The following FRMD3 variants were observed in gnomAD, a reference collection of about 807,000 sequenced individuals.
FRMD3 encodes FERM domain-containing protein 3.
Under a neutral mutation model 70.2 loss-of-function variants are expected in FRMD3, and 33 were observed. That is an observed-to-expected ratio of 0.47 (90% CI 0.36 to 0.63). The LOEUF is 0.63. Ranked by LOEUF, FRMD3 falls within the 20% of genes least tolerant of loss-of-function variation. The pLI, the probability that FRMD3 is intolerant of heterozygous loss-of-function variation, is 0.00. For missense variants in FRMD3, 632 were observed against 711.4 expected, an observed-to-expected ratio of 0.89 and a Z score of 1.27; for synonymous variants, 279 against 255.9, an observed-to-expected ratio of 1.09 and a Z score of -0.86.
At chr9:83,358,317 TG>T (rs1351235245) in intron 3 of FRMD3, among the ~76,000 whole-genome samples, 1 of 152,238 alleles carries the variant, frequency 6.6e-6, no homozygotes. Flanking sequence ...AGTACCATGC[TG>T]TTTGGTGACT....
At chr9:83,371,654 C>G (rs1564042103) in intron 3 of FRMD3, among the ~76,000 whole-genome samples, 1 of 152,228 alleles carries the variant, frequency 6.6e-6, no homozygotes, top group Non-Finnish European at 1.5e-5. Context: ...CTCTTCCGCT[C>G]TTGCCCCAAT....
At chr9:83,416,786 T>TCTCTCTCTCC (rs1220396275) in intron 1 of FRMD3, among the ~76,000 whole-genome samples, 2 of 58,278 alleles carry the variant, frequency 3.4e-5, no homozygotes, top group East Asian at 3.1e-4. Context: ...TCTCTCTCTC[T>TCTCTCTCTCC]CACTCTCTCT....
the FRMD3 span, among the ~76,000 whole-genome samples, chr9:83,571,587 G>A: frequency 3.3e-5 from 5 of 152,216 alleles, no homozygotes; most frequent in Non-Finnish European, 7.3e-5. Flanking sequence ...CAAGTAGACG[G>A]TTGGGTACAC....
At chr9:83,577,116 A>G in the FRMD3 span, among the ~76,000 whole-genome samples, 3 of 152,154 alleles carry the variant, frequency 2.0e-5, no homozygotes, top group Non-Finnish European at 4.4e-5. Flanking sequence ...ATGTTGATAT[A>G]TTGGAAGAAT....
intron 1 of FRMD3, among the ~76,000 whole-genome samples, chr9:83,440,005 T>G (rs1198368870): frequency 6.6e-6 from 1 of 152,182 alleles, no homozygotes; most frequent in Non-Finnish European, 1.5e-5. Context: ...AAACACACAC[T>G]TCCAGCTTGG....
At chr9:83,282,779 CTGCGGAA>C (rs1834021871) in intron 13 of FRMD3, among the ~76,000 whole-genome samples, 1 of 152,216 alleles carries the variant, frequency 6.6e-6, no homozygotes, top group African/African-American at 2.4e-5. Context: ...TATGCTTCCA[CTGCGGAA>C]TGCTGTATTT....
intron 1 of FRMD3, among the ~76,000 whole-genome samples, chr9:83,417,725 T>C (rs1342698677): frequency 2.0e-5 from 3 of 152,128 alleles, no homozygotes; most frequent in Non-Finnish European, 2.9e-5. Context: ...GCAAAGAAAG[T>C]GCATAAATTA....
intron 13 of FRMD3, among the ~76,000 whole-genome samples, chr9:83,256,964 G>A (rs1008309365): frequency 5.9e-5 from 9 of 152,146 alleles, no homozygotes; most frequent in Non-Finnish European, 1.2e-4. Flanking sequence ...ACAGTGTGGC[G>A]ATTCCTTAAA....
At chr9:83,331,748 T>C (rs916166161) in intron 6 of FRMD3, 1 of 685,838 alleles carries the variant, frequency 1.5e-6, no homozygotes, top group South Asian at 1.6e-5. Context: ...TAAACATCTC[T>C]TTTAAAAAAT....
chr9:83,279,271 T>C (rs1380299618), intron 13 of FRMD3: 1 of 152,218 alleles, frequency 6.6e-6, no homozygotes, highest in Non-Finnish European at 1.5e-5. Flanking sequence ...AAAACTCATT[T>C]TATATTACCT....
chr9:83,578,720 C>A, the FRMD3 span, among the ~76,000 whole-genome samples: 1 of 151,894 alleles, frequency 6.6e-6, no homozygotes, highest in African/African-American at 2.4e-5. Context: ...TAGTACTCAA[C>A]AGTAAAAAAT....
chr9:83,483,939 G>C (rs1828627862), intron 1 of FRMD3, among the ~76,000 whole-genome samples: 1 of 152,154 alleles, frequency 6.6e-6, no homozygotes, highest in Admixed American at 6.6e-5. Context: ...AGGGCCATGA[G>C]AAAAGTGTTT....
chr9:83,500,103 T>C (rs892709291), intron 1 of FRMD3, among the ~76,000 whole-genome samples: 1 of 152,062 alleles, frequency 6.6e-6, no homozygotes, highest in Non-Finnish European at 1.5e-5. Context: ...GAGGGATGAA[T>C]AGGTAGAGCA....
chr9:83,333,422 T>C (rs755050152), intron 6 of FRMD3, among the ~76,000 whole-genome samples: 13 of 152,206 alleles, frequency 8.5e-5, no homozygotes, highest in Non-Finnish European at 1.5e-4. Flanking sequence ...CCTGAGTGCA[T>C]GATGACCACT....
At chr9:83,457,393 T>C (rs1270074934) in intron 1 of FRMD3, among the ~76,000 whole-genome samples, 1 of 152,190 alleles carries the variant, frequency 6.6e-6, no homozygotes, top group East Asian at 1.9e-4. Flanking sequence ...AAAGTGGTTC[T>C]TCTCAATGTC....
upstream of FRMD3, among the ~76,000 whole-genome samples, chr9:83,540,351 CA>C (rs2131572226): frequency 6.6e-6 from 1 of 152,272 alleles, no homozygotes; most frequent in Admixed American, 6.5e-5. Context: ...TATCAATACC[CA>C]AAAATTGTTA....
intron 1 of FRMD3, among the ~76,000 whole-genome samples, chr9:83,507,195 C>T (rs1200686141): frequency 2.6e-5 from 4 of 151,270 alleles, no homozygotes; most frequent in African/African-American, 4.9e-5. Flanking sequence ...ACTGAAATCC[C>T]GTCTCTACTA....
At chr9:83,251,709 C>T (rs981806495) in intron 13 of FRMD3, among the ~76,000 whole-genome samples, 1 of 152,178 alleles carries the variant, frequency 6.6e-6, no homozygotes, top group African/African-American at 2.4e-5. Context: ...AACACGAGAA[C>T]TTCACAATGA....
In FRMD3 at chr9:83,479,723, A is replaced by AT. The variant is rs879408156; in HGVS notation, c.147+58361_147+58362insA. ...AAGAAAGAAAGAAAGAAAGAAAGAAAAGAAAGGGAAAGAAAGAAAAAGAAA... is the reference window on the plus strand; with the variant it reads ...AAGAAAGAAAGAAAGAAAGAAAGAAATAGAAAGGGAAAGAAAGAAAAAGAAA... On this transcript the variant is annotated intron_variant, in intron 1 of 13. Transcript: ENST00000304195. 2.9e-3 allele frequency among the ~76,000 whole-genome samples: 192 copies of AT among 65,350 alleles called. 17 individuals are homozygous for AT. The highest frequency in any genetic ancestry group is 3.6e-3 in the South Asian group (7 of 1,940). 42.9% of individuals were successfully genotyped at this position (65,350 alleles called of 152,430 possible).
Sources: gnomAD v4.1 joint callset for allele counts (sites outside exome capture counted in the v4.1 genomes callset) on GRCh38, gnomAD v4.1.1 for gene constraint, MANE v1.5 for transcripts, NCBI Gene and HGNC (gene_info 2026-07-23, HGNC 2026-07-21) for gene names.